Variants in SNED1 observed in about 807,000 individuals in gnomAD.
SNED1 encodes sushi, nidogen and EGF-like domain-containing protein 1.
Under a neutral mutation model 166.7 loss-of-function variants are expected in SNED1, and 81 were observed. That is an observed-to-expected ratio of 0.49 (90% CI 0.41 to 0.58). The LOEUF (loss-of-function observed/expected upper bound fraction) is 0.58, where lower values mean the gene tolerates loss of function less well. Ranked by LOEUF, SNED1 falls within the 20% of genes least tolerant of loss-of-function variation. SNED1 has a pLI of 0.00. For missense variants in SNED1, 1,604 were observed against 2,000.2 expected, an observed-to-expected ratio of 0.80 and a Z score of 3.78; for synonymous variants, 762 against 822.0, an observed-to-expected ratio of 0.93 and a Z score of 1.25.
At chr2:241,034,539 C>T (rs994430057) in intron 3 of SNED1, 29 bp from the exon 4 acceptor site, 2 of 1,561,928 alleles carry the variant, frequency 1.3e-6, no homozygotes, top group Admixed American at 1.8e-5. Flanking sequence ...GAACTGGCCT[C>T]CCTCACTCTG....
intron 27 of SNED1, chr2:241,074,906 G>A (rs1409931154): frequency 1.3e-5 from 2 of 152,154 alleles, no homozygotes; most frequent in Admixed American, 1.3e-4. Context: ...TTTGTGCCTA[G>A]AATTCCTTTG....
rs1004805710 is a variant in SNED1 at position 241,013,244 on chromosome 2, C to T, written c.213+14194C>T. ...CTCCAATCAACATTTCCCCATTTCC[C>T]ACCTCAGCCCCTGGTAACCATCCTT... On this transcript the variant is annotated intron_variant, in intron 1 of 31. Transcript: ENST00000310397. The surrounding 1 kb of genome is among the most constrained non-coding windows in gnomAD (Gnocchi z 4.6). 2.0e-5 allele frequency among the ~76,000 whole-genome samples: 3 copies of T among 152,192 alleles called. No homozygotes were observed. Among genetic ancestry groups the T allele is most frequent in the Non-Finnish European group, 4.4e-5 (3 of 68,038 alleles).
intron 1 of SNED1, among the ~76,000 whole-genome samples, chr2:241,004,151 G>C (rs1443122551): frequency 6.6e-6 from 1 of 152,240 alleles, no homozygotes. Flanking sequence ...ATGAAGAAAG[G>C]AGATGTATAT....
In SNED1 at chr2:241,069,436, A is replaced by G. The variant is rs1559292640; in HGVS notation, c.3307+413A>G. Among the ~76,000 whole-genome samples the G allele has an allele frequency of 6.6e-6, 1 of 152,174 alleles. No individual in the cohort carries two copies. The highest frequency in any genetic ancestry group is 6.5e-5 in the Admixed American group (1 of 15,284). ...CTCCCCAGTGCATGGGAGGGGTGAC[A>G]GCATGGACAGTCAGCGCGCAGGGGA... On this transcript the variant is annotated intron_variant, in intron 23 of 31. Transcript: ENST00000310397. The surrounding 1 kb of genome is among the most constrained non-coding windows in gnomAD (Gnocchi z 4.9).
At chr2:241,078,423 C>G (rs1229798664) in intron 27 of SNED1, among the ~76,000 whole-genome samples, 7 of 150,702 alleles carry the variant, frequency 4.6e-5, no homozygotes, top group Non-Finnish European at 8.8e-5. Flanking sequence ...AAAGGATAAG[C>G]AAAACATGGT....
chr2:241,085,672 G>C (rs1015416398), intron 29 of SNED1, among the ~76,000 whole-genome samples: 3 of 151,966 alleles, frequency 2.0e-5, no homozygotes, highest in African/African-American at 7.3e-5. Context: ...GCTGGGCATT[G>C]TAAGTTTTAT....
rs2063943938 is a variant in SNED1, at chr2:241,091,080, C to G, written c.*2-558C>G. Among the ~76,000 whole-genome samples the G allele has an allele frequency of 6.6e-6, 1 of 152,108 alleles. No homozygotes were observed. Among genetic ancestry groups the G allele is most frequent in the African/African-American group, 2.4e-5 (1 of 41,404 alleles). ...TTAATGTATCTTTTTAAATGCTTGCCTAGCACATCCACTCCCATAAAAACA... is the reference window on the plus strand; with the variant it reads ...TTAATGTATCTTTTTAAATGCTTGCGTAGCACATCCACTCCCATAAAAACA... On this transcript the variant is annotated intron_variant, in intron 31 of 31. Coordinates refer to ENST00000310397, the MANE Select transcript of SNED1 (RefSeq NM_001080437.3). The surrounding 1 kb of genome is among the most constrained non-coding windows in gnomAD (Gnocchi z 4.1).
chr2:241,064,068 G>A lies in SNED1; in HGVS notation c.2542G>A (p.Gly848Ser), dbSNP rs1261393449. 9.6e-6 allele frequency: 15 copies of A among 1,570,198 alleles called. No homozygotes were observed. The highest frequency in any genetic ancestry group is 1.8e-5 in the Admixed American group (1 of 54,056). The change falls in exon 19 of 32, where the codon GGC becomes AGC. Residue 848 changes from glycine to serine, a missense_variant. Physicochemically the swap from Gly to Ser is moderately conservative, Grantham distance 56. This residue lies in a region of SNED1 where 1,237 missense variants were observed against 1,620.8 expected (regional missense o/e 0.76). Coordinates refer to ENST00000310397, the MANE Select transcript of SNED1 (RefSeq NM_001080437.3). This position sits in a 1 kb window ranked among gnomAD's most constrained non-coding sequence, Gnocchi z 7.0. ...CQHGGRCESG[G>S]GAYLCVCPES... ...GCATGGAGGCCGGTGTGAGAGCGGC[G>A]GCGGGGCCTACCTGTGCGTCTGCCC... is the stretch of plus-strand genomic sequence containing the variant.
chr2:241,023,987 G>A (rs1200879748), intron 1 of SNED1, among the ~76,000 whole-genome samples: 1 of 141,278 alleles, frequency 7.1e-6, no homozygotes, highest in Non-Finnish European at 1.5e-5. Flanking sequence ...CCGGGTTCAG[G>A]CAATTCTCCT....
In SNED1 at chr2:241,033,841, G is replaced by A. The variant is rs1393998793; in HGVS notation, c.608G>A (p.Gly203Asp). ...ACAGGCACACACGCCAGCAGCGGGGGCAACGCCACTGGCCTCGGGGGCATC... is the reference window on the plus strand; with the variant it reads ...ACAGGCACACACGCCAGCAGCGGGGACAACGCCACTGGCCTCGGGGGCATC... Reference protein sequence around the residue: ...WTTGTHASSGGNATGLGGIAA... With the variant: ...WTTGTHASSGDNATGLGGIAA... The change falls in exon 3 of 32, where the codon GGC becomes GAC. Residue 203 changes from glycine to aspartate, a missense_variant. Transcript: ENST00000310397. 6.2e-7 allele frequency: 1 copy of A among 1,608,274 alleles called. No individual in the cohort carries two copies. The highest frequency in any genetic ancestry group is 2.2e-5 in the East Asian group (1 of 44,716).
intron 8 of SNED1, among the ~76,000 whole-genome samples, chr2:241,046,826 A>C (rs1311104756): frequency 6.6e-6 from 1 of 152,208 alleles, no homozygotes; most frequent in African/African-American, 2.4e-5. Flanking sequence ...TTTTGAAAGC[A>C]CGTGAAGAAA....
At chr2:241,084,355 T>C (rs1367621953) in intron 29 of SNED1, among the ~76,000 whole-genome samples, 1 of 152,140 alleles carries the variant, frequency 6.6e-6, no homozygotes, top group Non-Finnish European at 1.5e-5. Context: ...GGTTTCACCA[T>C]GTTGGCCAGG....
intron 1 of SNED1, among the ~76,000 whole-genome samples, chr2:241,019,235 C>T (rs550131898): frequency 4.6e-5 from 7 of 151,992 alleles, no homozygotes; most frequent in Admixed American, 1.3e-4. Flanking sequence ...TGGAGTCTTT[C>T]GGAGTTGATT....
chr2:241,071,741 C>T (rs912903362), intron 25 of SNED1, 21 bp downstream of exon 25: 6 of 1,462,072 alleles, frequency 4.1e-6, no homozygotes, highest in Non-Finnish European at 5.6e-6. Context: ...CACCCATCGG[C>T]CCCATCGCCC....
At chr2:241,005,611 A>G (rs754538186) in intron 1 of SNED1, among the ~76,000 whole-genome samples, 1 of 152,038 alleles carries the variant, frequency 6.6e-6, no homozygotes, top group Non-Finnish European at 1.5e-5. Context: ...TTAAAATCTG[A>G]AAATCTCTTT....
intron 8 of SNED1, among the ~76,000 whole-genome samples, chr2:241,043,569 C>T (rs1350412739): frequency 6.6e-6 from 1 of 151,936 alleles, no homozygotes; most frequent in Non-Finnish European, 1.5e-5. Context: ...TCTGGATCTA[C>T]ACAAAAGAAT....
At chr2:241,067,505 C>CT in intron 21 of SNED1, among the ~76,000 whole-genome samples, 1 of 152,348 alleles carries the variant, frequency 6.6e-6, no homozygotes, top group East Asian at 1.9e-4. Context: ...ACTAAGACCC[C>CT]TGCCTCTGGT....
At chr2:241,046,621 A>G (rs2061654950) in intron 8 of SNED1, among the ~76,000 whole-genome samples, 3 of 152,232 alleles carry the variant, frequency 2.0e-5, no homozygotes, top group African/African-American at 7.2e-5. Context: ...TGAACAAATC[A>G]GTAGTTGCCA....
In SNED1 at chr2:241,018,937, C is replaced by T. The variant is rs2060683670; in HGVS notation, c.214-11347C>T. On this transcript the variant is annotated intron_variant, in intron 1 of 31. Transcript: ENST00000310397. The surrounding 1 kb of genome is among the most constrained non-coding windows in gnomAD (Gnocchi z 5.4). ...GGCCCAGAAACGGTCAGGGCCAAAC[C>T]TCAAGGCTTCCAGGTAGGTCTGTGT... 6.6e-6 allele frequency among the ~76,000 whole-genome samples: 1 copy of T among 152,180 alleles called. No homozygotes were observed. The highest frequency in any genetic ancestry group is 2.1e-4 in the South Asian group (1 of 4,830).
Sources: gnomAD v4.1 joint callset for allele counts (sites outside exome capture counted in the v4.1 genomes callset) on GRCh38, gnomAD v4.1.1 for gene constraint, gnomAD v4.1.1 regional missense constraint, Gnocchi (gnomAD v3.1) non-coding constraint, MANE v1.5 for transcripts, NCBI Gene and HGNC (gene_info 2026-07-23, HGNC 2026-07-21) for gene names.